The following HIVEP3 variants were observed in gnomAD, a reference collection of about 807,000 sequenced individuals.
HIVEP3 encodes HIVEP zinc finger 3.
HIVEP3 carries 49 observed loss-of-function variants against 152.8 expected under a neutral mutation model. The ratio of observed to expected loss-of-function variants is 0.32; its 90% CI spans 0.26 to 0.41. HIVEP3 has a LOEUF of 0.41. Among genes scored for constraint, HIVEP3 ranks in the 10% least tolerant of loss-of-function variants. HIVEP3 has a pLI of 1.00. For synonymous variants in HIVEP3, 1,269 were observed against 1,289.0 expected (o/e 0.98, Z 0.33); for missense variants, 2,790 against 3,103.3 (o/e 0.90, Z 2.40).
chr1:41,845,647 T>C (rs1643423011), intron 1 of HIVEP3, among the ~76,000 whole-genome samples: 1 of 152,234 alleles, frequency 6.6e-6, no homozygotes, highest in Non-Finnish European at 1.5e-5. Flanking sequence ...CACATTAAAC[T>C]GATATCACTA....
chr1:41,620,676 C>T (rs1433182698), intron 3 of HIVEP3, among the ~76,000 whole-genome samples: 1 of 152,154 alleles, frequency 6.6e-6, no homozygotes, highest in Non-Finnish European at 1.5e-5. Context: ...ATGCTTAGTG[C>T]CCCACTCATC....
chr1:41,743,565 A>G (rs765025611), intron 1 of HIVEP3, among the ~76,000 whole-genome samples: 11 of 152,184 alleles, frequency 7.2e-5, no homozygotes, highest in Non-Finnish European at 1.3e-4. Flanking sequence ...TGGTGGGGGA[A>G]CAGCTGCCCC....
chr1:41,982,751 T>A (rs562557779), intron 1 of HIVEP3, among the ~76,000 whole-genome samples: 138 of 152,336 alleles, frequency 9.1e-4, no homozygotes, highest in African/African-American at 3.2e-3. Flanking sequence ...TGCCAATTTT[T>A]AAAAAGTTTA....
At chr1:41,667,542 TC>T in intron 2 of HIVEP3, among the ~76,000 whole-genome samples, 2 of 152,372 alleles carry the variant, frequency 1.3e-5, no homozygotes, top group East Asian at 3.9e-4. Context: ...GAACAGGTTT[TC>T]CCCAAGCCAA....
chr1:41,644,538 T>C (rs1645428198), intron 2 of HIVEP3, among the ~76,000 whole-genome samples: 2 of 152,202 alleles, frequency 1.3e-5, no homozygotes, highest in Non-Finnish European at 2.9e-5. Context: ...GAGAGAACGA[T>C]GTGTCTTTCT....
At chr1:41,548,482 T>C (rs1036243383) in intron 5 of HIVEP3, among the ~76,000 whole-genome samples, 1 of 152,228 alleles carries the variant, frequency 6.6e-6, no homozygotes, top group Admixed American at 6.5e-5. Flanking sequence ...GCAACTCTTT[T>C]TAAAATTGTG....
chr1:41,628,419 C>T (rs913655771), intron 3 of HIVEP3, among the ~76,000 whole-genome samples: 14 of 152,240 alleles, frequency 9.2e-5, no homozygotes, highest in Non-Finnish European at 1.8e-4. Context: ...GAGGCTGTGG[C>T]CCCTGGAGAG....
chr1:41,714,091 T>C (rs538766766), intron 1 of HIVEP3, among the ~76,000 whole-genome samples: 16 of 152,318 alleles, frequency 1.1e-4, no homozygotes, highest in Non-Finnish European at 1.9e-4. Flanking sequence ...TCTCAAGCCC[T>C]GATGTATGAT....
At chr1:41,746,211 CT>C (rs1647068839) in intron 1 of HIVEP3, among the ~76,000 whole-genome samples, 1 of 152,206 alleles carries the variant, frequency 6.6e-6, no homozygotes, top group Admixed American at 6.5e-5. Context: ...AAAAAAAAAT[CT>C]TGCCATAATA....
intron 2 of HIVEP3, among the ~76,000 whole-genome samples, chr1:41,661,024 A>T (rs1405585924): frequency 6.6e-6 from 1 of 152,244 alleles, no homozygotes; most frequent in Admixed American, 6.5e-5. Context: ...CTACCAGCCC[A>T]GAAATCATCC....
rs555128824 is a variant in HIVEP3 at position 41,535,141 on chromosome 1, A to G, written c.5208-10231T>C. On this transcript the variant is annotated intron_variant, in intron 5 of 8. Transcript: ENST00000372583. ...CCAGCCAGCAATTTTACCACGCAGC[A>G]CCCTGTTCCCGCACATCATCTAAAC... Among the ~76,000 whole-genome samples the G allele has an allele frequency of 7.9e-5, 12 of 152,214 alleles. No individual in the cohort carries two copies. In the South Asian group the frequency reaches 2.5e-3, roughly 32 times the overall value.
At chr1:41,708,692 TG>T (rs369736729) in intron 1 of HIVEP3, among the ~76,000 whole-genome samples, 1 of 152,368 alleles carries the variant, frequency 6.6e-6, no homozygotes, top group East Asian at 1.9e-4. Context: ...AGTCAGCTTC[TG>T]TTGCTTACAC....
intron 2 of HIVEP3, among the ~76,000 whole-genome samples, chr1:41,698,959 G>A (rs926498625): frequency 6.6e-6 from 1 of 152,216 alleles, no homozygotes; most frequent in African/African-American, 2.4e-5. Flanking sequence ...TCAGAGGGGT[G>A]TCAGGAAAGC....
At chr1:41,761,476 G>A (rs982260940) in intron 1 of HIVEP3, among the ~76,000 whole-genome samples, 5 of 152,172 alleles carry the variant, frequency 3.3e-5, no homozygotes, top group African/African-American at 1.2e-4. Context: ...GTGTGAATGT[G>A]TATGCATGTG....
At chr1:41,993,556 T>C (rs1176019051) in intron 1 of HIVEP3, among the ~76,000 whole-genome samples, 2 of 152,214 alleles carry the variant, frequency 1.3e-5, no homozygotes, top group African/African-American at 4.8e-5. Flanking sequence ...TTGGTGGGAC[T>C]GTAAACTAGT....
chr1:41,600,495 A>G (rs1391842722), intron 3 of HIVEP3, among the ~76,000 whole-genome samples: 2 of 152,202 alleles, frequency 1.3e-5, no homozygotes, highest in Non-Finnish European at 2.9e-5. Flanking sequence ...TATATGAAGT[A>G]CTTAGAGTAA....
At position 42,021,117 on chromosome 1, in the gene HIVEP3, T is replaced by C. The variant is rs568899702; in HGVS notation, n.119+14690A>G. ...GAACAAGCAAGTAACATGATCTGAC[T>C]TGTGTTTGAAAAGACTGTTCTAACG... On this transcript the variant is annotated intron_variant and non_coding_transcript_variant, in intron 1 of 3. Coordinates refer to the HIVEP3 transcript ENST00000489103. Among the ~76,000 whole-genome samples, 4 of 152,294 alleles carry C rather than the reference T, an allele frequency of 2.6e-5. No homozygotes were observed. In the East Asian group the frequency reaches 7.7e-4, roughly 29 times the overall value.
chr1:41,985,275 T>A (rs1466900152), intron 1 of HIVEP3, among the ~76,000 whole-genome samples: 2 of 152,198 alleles, frequency 1.3e-5, no homozygotes, highest in Non-Finnish European at 2.9e-5. Context: ...CATGTAGAAT[T>A]TTCCAGGCCA....
At chr1:41,544,495 G>A (rs1643612298) in intron 5 of HIVEP3, among the ~76,000 whole-genome samples, 1 of 151,570 alleles carries the variant, frequency 6.6e-6, no homozygotes, top group African/African-American at 2.4e-5. Context: ...TATTCTCTAG[G>A]GCATGGAATA....
Sources: allele counts gnomAD v4.1 joint callset (sites outside exome capture counted in the v4.1 genomes callset), GRCh38; gene constraint gnomAD v4.1.1; transcripts MANE v1.5; gene names NCBI Gene and HGNC (gene_info 2026-07-23, HGNC 2026-07-21).